TEX29: variants seen among roughly 807,000 people sequenced by gnomAD.
TEX29 encodes the protein testis-expressed protein 29.
A neutral mutation model predicts 18.2 loss-of-function variants in TEX29; 26 were observed. The ratio of observed to expected loss-of-function variants is 1.43; its 90% CI spans 1.04 to 1.98. The LOEUF is 1.98. Ranked by LOEUF, TEX29 falls within the 30% of genes most tolerant of loss-of-function variation. The probability of loss-of-function intolerance (pLI) is 0.00; values close to 1 mark genes in which losing one functional copy is unlikely to be tolerated. For synonymous variants in TEX29, 83 were observed against 78.5 expected (o/e 1.06, Z -0.31); for missense variants, 177 against 194.2 (o/e 0.91, Z 0.53).
At chr13:111,329,961 C>T (rs748978331) in intron 3 of TEX29, among the ~76,000 whole-genome samples, 13 of 152,096 alleles carry the variant, frequency 8.5e-5, no homozygotes, top group Non-Finnish European at 1.6e-4. Flanking sequence ...TAAATACCAG[C>T]ACACAGTTAG....
chr13:111,323,265 G>A (rs1042452436), intron 2 of TEX29, among the ~76,000 whole-genome samples: 1 of 152,238 alleles, frequency 6.6e-6, no homozygotes, highest in Admixed American at 6.5e-5. Context: ...AGGGCACCAT[G>A]TTCACATGGC....
chr13:111,322,590 C>G (rs1038480992), intron 2 of TEX29, among the ~76,000 whole-genome samples: 1 of 152,158 alleles, frequency 6.6e-6, no homozygotes, highest in South Asian at 2.1e-4. Context: ...GCCAGGTCAC[C>G]CAAGGCACTG....
chr13:111,320,820 C>T (rs1567156691), intron 1 of TEX29, 37 bp from the exon 2 acceptor site: 1 of 1,603,624 alleles, frequency 6.2e-7, no homozygotes. Flanking sequence ...ACGACGTCCC[C>T]AGGGCCCCGC....
At chr13:111,323,738 C>T (rs2093668462) in intron 2 of TEX29, among the ~76,000 whole-genome samples, 1 of 151,330 alleles carries the variant, frequency 6.6e-6, no homozygotes, top group Non-Finnish European at 1.5e-5. Flanking sequence ...GATCCGTGGC[C>T]CTGCACGCCC....
intron 2 of TEX29, among the ~76,000 whole-genome samples, chr13:111,326,669 A>G (rs1210670763): frequency 7.4e-6 from 1 of 135,554 alleles, no homozygotes; most frequent in Non-Finnish European, 1.6e-5. Context: ...GGTGGGGTGG[A>G]GACTGCGGGC....
At chr13:111,321,360 T>C (rs2093664238) in intron 2 of TEX29, among the ~76,000 whole-genome samples, 1 of 152,182 alleles carries the variant, frequency 6.6e-6, no homozygotes, top group Non-Finnish European at 1.5e-5. Flanking sequence ...CCCGGGCAAC[T>C]GACCCGGAGG....
chr13:111,327,026 G>C (rs968701376), intron 2 of TEX29, among the ~76,000 whole-genome samples: 2 of 152,192 alleles, frequency 1.3e-5, no homozygotes, highest in Non-Finnish European at 2.9e-5. Context: ...TGGCTGTGCA[G>C]TACCTGCCTG....
Position 111,342,858 on chromosome 13 carries a change from A to G in TEX29, c.342A>G (p.Leu114=). The change falls in exon 5 of 6, where the codon TTA becomes TTG. Residue 114 remains leucine, a synonymous_variant. Coordinates refer to ENST00000283547, the MANE Select transcript of TEX29 (RefSeq NM_152324.3). ...KAELASSSSK[L]GLKPASPGPP... Reference sequence around the variant, plus strand: ...AGTTGGCCTCATCCAGCAGCAAGTTAGGGCTGAAGCCTGCGAGTCCTGGGC... The same window carrying G: ...AGTTGGCCTCATCCAGCAGCAAGTTGGGGCTGAAGCCTGCGAGTCCTGGGC... 6.2e-7 allele frequency: 1 copy of G among 1,614,212 alleles called. No individual in the cohort carries two copies. Among genetic ancestry groups the G allele is most frequent in the South Asian group, 1.1e-5 (1 of 91,086 alleles).
chr13:111,325,146 G>C (rs1430872394), intron 2 of TEX29, among the ~76,000 whole-genome samples: 2 of 152,188 alleles, frequency 1.3e-5, no homozygotes, highest in East Asian at 3.9e-4. Context: ...TAGATTGATT[G>C]GTTTAACCCC....
chr13:111,336,223 T>C (rs2093689462), intron 3 of TEX29, among the ~76,000 whole-genome samples: 1 of 152,260 alleles, frequency 6.6e-6, no homozygotes, highest in African/African-American at 2.4e-5. Flanking sequence ...TCTTGACTCC[T>C]GGTTTCTTTC....
At chr13:111,320,994 T>TGGGG in intron 2 of TEX29, 46 bp downstream of exon 2, 1 of 310,240 alleles carries the variant, frequency 3.2e-6, no homozygotes, top group Non-Finnish European at 5.5e-6. Context: ...GGGGGAGCAG[T>TGGGG]TGGGGGGGGG....
At position 111,330,320 on chromosome 13, in the gene TEX29, G is replaced by T. The variant is rs542767009; in HGVS notation, c.169+2027G>T. 3.3e-5 allele frequency among the ~76,000 whole-genome samples: 5 copies of T among 152,256 alleles called. 1 individual carries two copies. Among genetic ancestry groups the T allele is most frequent in the African/African-American group, 1.2e-4 (5 of 41,558 alleles). On this transcript the variant is annotated intron_variant, in intron 3 of 5. Coordinates refer to ENST00000283547, the MANE Select transcript of TEX29 (RefSeq NM_152324.3). The stretch of plus-strand genomic sequence containing the variant: ...CCAGAGAGGGTGTCTGTCCTGCTTC[G>T]TGGTGAGGATTTGGCACCTCATCAA...
intron 3 of TEX29, among the ~76,000 whole-genome samples, chr13:111,338,599 T>G (rs1009141238): frequency 6.6e-6 from 1 of 152,162 alleles, no homozygotes; most frequent in Admixed American, 6.5e-5. Flanking sequence ...TGGAAGCAGT[T>G]TAGCAGGAGG....
upstream of TEX29, among the ~76,000 whole-genome samples, chr13:111,317,027 C>A (rs1226488691): frequency 1.3e-5 from 2 of 152,208 alleles, no homozygotes; most frequent in African/African-American, 2.4e-5. Flanking sequence ...AATCACCCCC[C>A]ACCACGTCCC....
rs78836393 is a variant in TEX29 at position 111,332,371 on chromosome 13, T to C, written c.169+4078T>C. Among the ~76,000 whole-genome samples, 4 of 152,306 alleles carry C rather than the reference T, an allele frequency of 2.6e-5. No individual in the cohort carries two copies. In the East Asian group the frequency reaches 7.7e-4, roughly 29 times the overall value. ...GCCAGCATATAGAAATATAATTGAT[T>C]TTTGTATGCTGATCTTGTATCTGGC... On this transcript the variant is annotated intron_variant, in intron 3 of 5. Transcript: ENST00000283547.
At position 111,343,337 on chromosome 13, in the gene TEX29, G is replaced by T. The variant is rs377292726; in HGVS notation, c.415+406G>T. On this transcript the variant is annotated intron_variant, in intron 5 of 5. Coordinates refer to ENST00000283547, the MANE Select transcript of TEX29 (RefSeq NM_152324.3). The stretch of plus-strand genomic sequence containing the variant: ...ACTCTCTGTGGCACCCTGGCCACGT[G>T]GTGGTCTTGGTTGTGCAGGGAGGCT... 3.7e-4 allele frequency among the ~76,000 whole-genome samples: 53 copies of T among 142,054 alleles called. No homozygotes were observed. In the South Asian group the frequency reaches 0.01, roughly 28 times the overall value. The allele number at this position is 142,054 out of a possible 152,430, so 93.2% of individuals were successfully genotyped here. A position where few individuals can be genotyped will look rare whatever the true frequency, so the allele number is the denominator to read the frequency against.
chr13:111,321,629 A>AAC (rs1323149564), intron 2 of TEX29, among the ~76,000 whole-genome samples: 1 of 152,048 alleles, frequency 6.6e-6, no homozygotes. Context: ...CAAAAACAAA[A>AAC]AAAAACCCAA....
chr13:111,326,687 G>C (rs968768555), intron 2 of TEX29, among the ~76,000 whole-genome samples: 1 of 137,634 alleles, frequency 7.3e-6, no homozygotes, highest in African/African-American at 2.8e-5. Flanking sequence ...GGCAACGTGA[G>C]CCTGGCGCTG....
At chr13:111,332,746 T>G (rs1038224005) in intron 3 of TEX29, among the ~76,000 whole-genome samples, 1 of 152,242 alleles carries the variant, frequency 6.6e-6, no homozygotes, top group Admixed American at 6.5e-5. Flanking sequence ...CTTCTCTTCC[T>G]GCTTTGTTGA....
Sources: allele counts gnomAD v4.1 joint callset (sites outside exome capture counted in the v4.1 genomes callset), GRCh38; gene constraint gnomAD v4.1.1; transcripts MANE v1.5; gene names NCBI Gene and HGNC (gene_info 2026-07-23, HGNC 2026-07-21).